The following RASGEF1B variants were observed in gnomAD, a reference collection of about 807,000 sequenced individuals.
The protein encoded by RASGEF1B is RasGEF domain family member 1B.
RASGEF1B carries 30 observed loss-of-function variants against 65.7 expected under a neutral mutation model. That is an observed-to-expected ratio of 0.46 (90% CI 0.34 to 0.62). The LOEUF (loss-of-function observed/expected upper bound fraction) is 0.62. Ranked by LOEUF, RASGEF1B falls within the 20% of genes least tolerant of loss-of-function variation. RASGEF1B has a pLI of 0.01. For missense variants in RASGEF1B, 495 were observed against 580.1 expected (o/e 0.85, Z 1.51); for synonymous variants, 175 against 194.8 (o/e 0.90, Z 0.85).
chr4:81,449,398 A>G lies in RASGEF1B; in HGVS notation c.439-1114T>C, dbSNP rs1822817. On this transcript the variant is annotated intron_variant, in intron 4 of 13. Coordinates refer to ENST00000264400, the MANE Select transcript of RASGEF1B (RefSeq NM_152545.3). The stretch of plus-strand genomic sequence containing the variant: ...ATAACTGTCAACCTCCTGACTTTTA[A>G]AACATTTGTTAAATCAAGAAATGAC... 4.8e-3 allele frequency among the ~76,000 whole-genome samples: 730 copies of G among 152,332 alleles called. 5 individuals are homozygous for G. The Middle Eastern group carries it at 0.058, about 12-fold the overall frequency.
Position 81,426,951 on chromosome 4 carries a change from C to A in RASGEF1B, c.*817G>T, listed in dbSNP as rs1427100089. 3 of 94,606 alleles carry A rather than the reference C, an allele frequency of 3.2e-5. No individual in the cohort carries two copies. The highest frequency in any genetic ancestry group is 5.8e-5 in the Non-Finnish European group (3 of 51,622). 5.9% of individuals were successfully genotyped at this position (94,606 alleles called of 1,614,324 possible). ...TATTGAAAAATACATCTGTGGAACA[C>A]AGTGGTCAGTTGTAAACAGCTCAGA... On this transcript the variant is annotated 3_prime_UTR_variant, in exon 14 of 14. Transcript: ENST00000264400.
intron 1 of RASGEF1B, among the ~76,000 whole-genome samples, chr4:81,466,810 GAAAGAAA>G (rs1722847655): frequency 6.9e-6 from 1 of 144,106 alleles, no homozygotes; most frequent in African/African-American, 2.6e-5. Context: ...AAGAAAGAAA[GAAAGAAA>G]GAAAGAAAAT....
intron 4 of RASGEF1B, chr4:81,455,922 T>G (rs1722427495): frequency 6.6e-6 from 1 of 152,290 alleles, no homozygotes; most frequent in Non-Finnish European, 1.5e-5. Flanking sequence ...TACACATGAA[T>G]CTATGAACTC....
At chr4:81,458,307 A>T (rs1293663871) in intron 2 of RASGEF1B, among the ~76,000 whole-genome samples, 1 of 152,222 alleles carries the variant, frequency 6.6e-6, no homozygotes, top group Non-Finnish European at 1.5e-5. Context: ...GAAAAGAGAA[A>T]TTCCATGGGA....
Position 81,427,681 on chromosome 4 carries a change from C to G in RASGEF1B, c.*87G>C. On this transcript the variant is annotated 3_prime_UTR_variant, in exon 14 of 14. Transcript: ENST00000264400. ...TGACTGCAGGGTCTTCATGAGTGTT[C>G]GTGGTACGAGATGCCAGAAAACAAA... The G allele has an allele frequency of 1.3e-6, 2 of 1,511,462 alleles. No individual in the cohort carries two copies. Among genetic ancestry groups the G allele is most frequent in the East Asian group, 4.5e-5 (2 of 44,296 alleles). The allele number at this position is 1,511,462 out of a possible 1,614,324, so 93.6% of individuals were successfully genotyped here.
At chr4:81,467,370 TG>T (rs2110000580) in intron 1 of RASGEF1B, among the ~76,000 whole-genome samples, 1 of 152,292 alleles carries the variant, frequency 6.6e-6, no homozygotes, top group Non-Finnish European at 1.5e-5. Flanking sequence ...TCTTTTGTCT[TG>T]GGGATGTGTT....
chr4:81,468,950 C>T (rs1398591221), intron 1 of RASGEF1B, among the ~76,000 whole-genome samples: 1 of 152,162 alleles, frequency 6.6e-6, no homozygotes, highest in Non-Finnish European at 1.5e-5. Flanking sequence ...TCAACCAGAA[C>T]CCAAGTCTCC....
rs546411254 is a variant in RASGEF1B, at chr4:81,461,456, T to G, written c.-6-1942A>C. Among the ~76,000 whole-genome samples the G allele has an allele frequency of 3.3e-5, 5 of 152,304 alleles. No individual in the cohort carries two copies. The East Asian group carries it at 9.6e-4, about 29-fold the overall frequency. Reference sequence around the variant, plus strand: ...ATTTTTTTCTTTCAGGAACCACACATTTTCCTTCATTGGAGCACTTACTCA... The same window carrying G: ...ATTTTTTTCTTTCAGGAACCACACAGTTTCCTTCATTGGAGCACTTACTCA... On this transcript the variant is annotated intron_variant, in intron 1 of 13. Transcript: ENST00000264400.
rs2109965072 is a variant in RASGEF1B at position 81,432,442 on chromosome 4, G to C, written c.1325-71C>G. 8 of 962,736 alleles carry C rather than the reference G, an allele frequency of 8.3e-6. No individual in the cohort carries two copies. The South Asian group carries it at 8.5e-5, about 10-fold the overall frequency. The allele number at this position is 962,736 out of a possible 1,614,324, so 59.6% of individuals were successfully genotyped here. A position where few individuals can be genotyped will look rare whatever the true frequency, so the allele number is the denominator to read the frequency against. The stretch of plus-strand genomic sequence containing the variant: ...TGATATATTATCTACCACCACCCTT[G>C]TTCGACTTGAGCCAAACTCCATAGC... On this transcript the variant is annotated intron_variant, in intron 12 of 13. Coordinates refer to ENST00000264400, the MANE Select transcript of RASGEF1B (RefSeq NM_152545.3).
intron 8 of RASGEF1B, among the ~76,000 whole-genome samples, chr4:81,444,372 C>G (rs1721947226): frequency 6.6e-6 from 1 of 152,044 alleles, no homozygotes; most frequent in South Asian, 2.1e-4. Flanking sequence ...TAAGCTGAGA[C>G]TTGGCCAGTA....
intron 1 of RASGEF1B, among the ~76,000 whole-genome samples, chr4:81,470,769 T>C (rs1168398591): frequency 6.6e-6 from 1 of 152,172 alleles, no homozygotes; most frequent in Non-Finnish European, 1.5e-5. Flanking sequence ...TCTCCTTGTG[T>C]TATCTGCCAC....
chr4:81,451,624 A>G (rs1386616738), intron 4 of RASGEF1B: 1 of 152,232 alleles, frequency 6.6e-6, no homozygotes, highest in African/African-American at 2.4e-5. Flanking sequence ...CTTTTTAAAC[A>G]AAATCTAAGT....
intron 6 of RASGEF1B, 103 bp from the exon 7 acceptor site, chr4:81,445,941 G>A: frequency 1.3e-6 from 1 of 770,192 alleles, no homozygotes; most frequent in Non-Finnish European, 2.1e-6. Context: ...TATGGATTAG[G>A]AAAGCTTTTG....
At chr4:81,442,210 G>A in intron 9 of RASGEF1B, 87 bp downstream of exon 9, 1 of 879,588 alleles carries the variant, frequency 1.1e-6, no homozygotes, top group Non-Finnish European at 1.9e-6. Context: ...CTCTGTCGTA[G>A]TCTGATGGAG....
intron 12 of RASGEF1B, among the ~76,000 whole-genome samples, chr4:81,433,193 C>T (rs1206740431): frequency 1.3e-5 from 2 of 150,038 alleles, no homozygotes; most frequent in East Asian, 1.9e-4. Flanking sequence ...CGTGCCACTG[C>T]GCTCCAGCCT....
rs138012241 is a variant in RASGEF1B at position 81,448,177 on chromosome 4, T to G, written c.546A>C (p.Thr182=). 56 of 1,614,130 alleles carry G rather than the reference T, an allele frequency of 3.5e-5. No homozygotes were observed. In the African/African-American group the frequency reaches 6.7e-4, roughly 19 times the overall value. ...EVLAKISSTS[T]DRLTVLKTKP... is the part of the protein sequence containing the mutation. The stretch of plus-strand genomic sequence containing the variant: ...TGGTCTTGAGAACTGTGAGCCGATC[T>G]GTGGATGTGGAGCTGATTTTTGCCA... The change falls in exon 5 of 14, where the codon ACA becomes ACC. Residue 182 remains threonine (T), a synonymous_variant. Transcript: ENST00000264400.
chr4:81,443,429 T>G lies in RASGEF1B; in HGVS notation c.929-1053A>C, dbSNP rs958184280. Among the ~76,000 whole-genome samples, 3 of 152,162 alleles carry G rather than the reference T, an allele frequency of 2.0e-5. No individual in the cohort carries two copies. The East Asian group carries it at 5.8e-4, about 29-fold the overall frequency. On this transcript the variant is annotated intron_variant, in intron 8 of 13. Transcript: ENST00000264400. Reference sequence around the variant, plus strand: ...GACCCCAGAAAGCTCCTTTGGACCCTCTTTGGTCACCTCCCCACCACCACA... The same window carrying G: ...GACCCCAGAAAGCTCCTTTGGACCCGCTTTGGTCACCTCCCCACCACCACA...
At chr4:81,433,123 G>C (rs1721491611) in intron 12 of RASGEF1B, among the ~76,000 whole-genome samples, 1 of 151,670 alleles carries the variant, frequency 6.6e-6, no homozygotes, top group Non-Finnish European at 1.5e-5. Flanking sequence ...CAGCTATCTG[G>C]AAGGCTAAGG....
chr4:81,440,308 G>C (rs1262668243), intron 10 of RASGEF1B, among the ~76,000 whole-genome samples: 1 of 152,116 alleles, frequency 6.6e-6, no homozygotes, highest in Non-Finnish European at 1.5e-5. Flanking sequence ...GGTAGAGTGA[G>C]AAAGGACCAT....
Sources: allele counts gnomAD v4.1 joint callset (sites outside exome capture counted in the v4.1 genomes callset), GRCh38; gene constraint gnomAD v4.1.1; transcripts MANE v1.5; gene names NCBI Gene and HGNC (gene_info 2026-07-23, HGNC 2026-07-21).